The following ELOVL5 variants were observed in gnomAD, a reference collection of about 807,000 sequenced individuals.
ELOVL5 encodes the protein very long chain fatty acid elongase 5.
ELOVL5 carries 8 observed loss-of-function variants against 38.6 expected under a neutral mutation model. That is an observed-to-expected ratio of 0.21 (90% CI 0.12 to 0.37). The LOEUF is 0.37. Ranked by LOEUF, ELOVL5 falls within the 10% of genes least tolerant of loss-of-function variation. The probability of loss-of-function intolerance (pLI) is 1.00; values close to 1 mark genes in which losing one functional copy is unlikely to be tolerated. For synonymous variants in ELOVL5, 127 were observed against 133.7 expected (o/e 0.95, Z 0.34); for missense variants, 280 against 367.8 (o/e 0.76, Z 1.95).
Position 53,289,728 on chromosome 6 carries a change from A to T in ELOVL5, c.246+2048T>A, listed in dbSNP as rs368870992. Reference sequence around the variant, plus strand: ...AGAGTGAAACTGTCTCAAAACAAACAAACAGAAAAACGTGTAGCTAAAATG... The same window carrying T: ...AGAGTGAAACTGTCTCAAAACAAACTAACAGAAAAACGTGTAGCTAAAATG... On this transcript the variant is annotated intron_variant, in intron 3 of 7. Transcript: ENST00000304434. Among the ~76,000 whole-genome samples, 98 of 152,350 alleles carry T rather than the reference A, an allele frequency of 6.4e-4. 3 individuals are homozygous for T. In the South Asian group the frequency reaches 0.019, roughly 30 times the overall value.
At chr6:53,338,269 A>G (rs1045799056) in intron 1 of ELOVL5, among the ~76,000 whole-genome samples, 1 of 152,202 alleles carries the variant, frequency 6.6e-6, no homozygotes, top group South Asian at 2.1e-4. Flanking sequence ...CAGGGGGTCA[A>G]TGAAAAGTAC....
chr6:53,322,672 C>T (rs768111744), intron 1 of ELOVL5, among the ~76,000 whole-genome samples: 5 of 152,130 alleles, frequency 3.3e-5, no homozygotes, highest in African/African-American at 7.2e-5. Context: ...AAAATCCTCA[C>T]GAGGACAACC....
intron 7 of ELOVL5, among the ~76,000 whole-genome samples, chr6:53,270,306 C>T (rs1169283014): frequency 4.6e-5 from 7 of 152,232 alleles, no homozygotes; most frequent in African/African-American, 1.4e-4. Context: ...TCACCTCTCA[C>T]GTCTCTGCTG....
intron 1 of ELOVL5, among the ~76,000 whole-genome samples, chr6:53,340,828 T>C (rs915621311): frequency 1.3e-5 from 2 of 152,240 alleles, no homozygotes; most frequent in East Asian, 1.9e-4. Flanking sequence ...ACATGACTTG[T>C]ACGACTTGTA....
intron 2 of ELOVL5, chr6:53,294,106 A>G: frequency 7.2e-7 from 1 of 1,394,372 alleles, no homozygotes; most frequent in African/African-American, 1.4e-5. Context: ...TAAACCTCTG[A>G]TTTACACTTT....
intron 1 of ELOVL5, among the ~76,000 whole-genome samples, chr6:53,315,814 A>T (rs2127584678): frequency 6.6e-6 from 1 of 152,354 alleles, no homozygotes; most frequent in East Asian, 1.9e-4. Flanking sequence ...TCTCCAGACC[A>T]GCCCTAAAAT....
chr6:53,275,743 G>A (rs1766087069), intron 4 of ELOVL5, among the ~76,000 whole-genome samples: 1 of 152,206 alleles, frequency 6.6e-6, no homozygotes, highest in Admixed American at 6.5e-5. Flanking sequence ...TGTCAAACAA[G>A]TGCTCTAAGG....
chr6:53,344,040 A>T lies in ELOVL5; in HGVS notation c.-9+4777T>A, dbSNP rs189365356. ...CTGCAGTGATTTTAAGATGCCACTGATTATAAGCTCCATCTCTACCCAGAT... is the reference window on the plus strand; with the variant it reads ...CTGCAGTGATTTTAAGATGCCACTGTTTATAAGCTCCATCTCTACCCAGAT... On this transcript the variant is annotated intron_variant, in intron 1 of 7. Transcript: ENST00000304434. 7.9e-5 allele frequency among the ~76,000 whole-genome samples: 12 copies of T among 152,342 alleles called. No individual in the cohort carries two copies. In the East Asian group the frequency reaches 2.3e-3, roughly 29 times the overall value.
chr6:53,290,630 A>T (rs1766738542), intron 3 of ELOVL5: 1 of 152,260 alleles, frequency 6.6e-6, no homozygotes, highest in African/African-American at 2.4e-5. Flanking sequence ...CTACCATTCT[A>T]TTCAGAATAT....
chr6:53,309,356 C>T (rs1408548800), intron 1 of ELOVL5, among the ~76,000 whole-genome samples: 2 of 152,280 alleles, frequency 1.3e-5, no homozygotes, highest in African/African-American at 4.8e-5. Flanking sequence ...CCATACATTC[C>T]TTGGAAGGAG....
In ELOVL5 at chr6:53,273,347, G is replaced by A. The variant is rs1197789725; in HGVS notation, c.497-3C>T. The A allele has an allele frequency of 2.5e-6, 4 of 1,612,978 alleles. No individual in the cohort carries two copies. Among genetic ancestry groups the A allele is most frequent in the Non-Finnish European group, 3.4e-6 (4 of 1,179,384 alleles). On this transcript the variant is annotated splice_region_variant and splice_polypyrimidine_tract_variant and intron_variant, in intron 5 of 7. Transcript: ENST00000304434. ...ATTAAGTGTGGCACCAAAATAAGCT[G>A]CAGGAACAGAGGGATTTGGGAAGGA...
At chr6:53,274,842 T>C (rs1766052449) in intron 5 of ELOVL5, among the ~76,000 whole-genome samples, 1 of 152,212 alleles carries the variant, frequency 6.6e-6, no homozygotes, top group African/African-American at 2.4e-5. Flanking sequence ...TCAGAGAATA[T>C]TGTACCTATT....
rs919982140 is a variant in ELOVL5 at position 53,273,207 on chromosome 6, C to T, written c.621+13G>A. 1.2e-6 allele frequency: 2 copies of T among 1,612,966 alleles called. No individual in the cohort carries two copies. Among genetic ancestry groups the T allele is most frequent in the Non-Finnish European group, 1.7e-6 (2 of 1,179,416 alleles). On this transcript the variant is annotated intron_variant, in intron 6 of 7. Coordinates refer to ENST00000304434, the MANE Select transcript of ELOVL5 (RefSeq NM_021814.5). ...AGGAAGTAAGTCCTGGGGAAAGAGGCCAAGTCACTCACCAGCTGCCCCTGA... is the reference window on the plus strand; with the variant it reads ...AGGAAGTAAGTCCTGGGGAAAGAGGTCAAGTCACTCACCAGCTGCCCCTGA...
chr6:53,318,992 C>A (rs1465051665), intron 1 of ELOVL5, among the ~76,000 whole-genome samples: 3 of 151,900 alleles, frequency 2.0e-5, no homozygotes, highest in Non-Finnish European at 4.4e-5. Flanking sequence ...TTGGAAATAT[C>A]TGATCTGCAG....
chr6:53,287,090 G>A (rs1766600179), intron 3 of ELOVL5, among the ~76,000 whole-genome samples: 1 of 152,138 alleles, frequency 6.6e-6, no homozygotes, highest in Non-Finnish European at 1.5e-5. Flanking sequence ...GGGGAAGAAA[G>A]ATAAGTTTGG....
chr6:53,269,795 C>T (rs565878753), intron 7 of ELOVL5, among the ~76,000 whole-genome samples: 2 of 152,346 alleles, frequency 1.3e-5, no homozygotes, highest in African/African-American at 2.4e-5. Flanking sequence ...GGTGTATGTC[C>T]CACAGTGCAG....
intron 1 of ELOVL5, among the ~76,000 whole-genome samples, chr6:53,340,671 TTG>T (rs1315621013): frequency 2.0e-5 from 3 of 152,262 alleles, no homozygotes. Flanking sequence ...CTGTACAGGT[TTG>T]TAGCCTAGGA....
chr6:53,324,691 A>AAAAAAAAAAAAAAAAAAAC lies in ELOVL5; in HGVS notation c.-9+24125_-9+24126insGTTTTTTTTTTTTTTTTTT, dbSNP rs70980840. ...TCCTGTCAAAAAAAAAAAAAAAAAA[A>AAAAAAAAAAAAAAAAAAAC]GGAAAAGAAATAGAATCAGGAAGGA... On this transcript the variant is annotated intron_variant, in intron 1 of 7. Coordinates refer to ENST00000304434, the MANE Select transcript of ELOVL5 (RefSeq NM_021814.5). Among the ~76,000 whole-genome samples the AAAAAAAAAAAAAAAAAAAC allele has an allele frequency of 2.5e-5, 3 of 118,060 alleles. 1 individual carries two copies. The highest frequency in any genetic ancestry group is 7.3e-5 in the African/African-American group (2 of 27,314). The allele number at this position is 118,060 out of a possible 152,430, so 77.5% of individuals were successfully genotyped here.
At chr6:53,300,895 C>A (rs1185269308) in intron 1 of ELOVL5, among the ~76,000 whole-genome samples, 2 of 152,208 alleles carry the variant, frequency 1.3e-5, no homozygotes, top group Non-Finnish European at 2.9e-5. Flanking sequence ...CTCCTTCCTG[C>A]AGCCCTCCTG....
Sources: allele counts gnomAD v4.1 joint callset (sites outside exome capture counted in the v4.1 genomes callset), GRCh38; gene constraint gnomAD v4.1.1; transcripts MANE v1.5; gene names NCBI Gene and HGNC (gene_info 2026-07-23, HGNC 2026-07-21).